The following ANKRD10 variants were observed in gnomAD, a reference collection of about 807,000 sequenced individuals.
The protein encoded by ANKRD10 is ankyrin repeat domain-containing protein 10.
In ANKRD10, 14 loss-of-function variants were observed where a neutral mutation model predicts 27.0. That is an observed-to-expected ratio of 0.52 (90% CI 0.34 to 0.81). The LOEUF is 0.81. Ranked by LOEUF, ANKRD10 falls within the 40% of genes least tolerant of loss-of-function variation. ANKRD10 has a pLI of 0.01. For synonymous variants in ANKRD10, 250 were observed against 224.5 expected (o/e 1.11, Z -1.01); for missense variants, 493 against 544.0 (o/e 0.91, Z 0.93).
chr13:110,892,422 A>AAAAAAAAAAAAAAAAAAAAAAAAC (rs2065101180), intron 4 of ANKRD10, among the ~76,000 whole-genome samples: 1 of 143,782 alleles, frequency 7.0e-6, no homozygotes, highest in Non-Finnish European at 1.5e-5. Context: ...AGAGCAAAAA[A>AAAAAAAAAAAAAAAAAAAAAAAAC]AAAAAAAAAA....
intron 3 of ANKRD10, 30 bp from the exon 4 acceptor site, chr13:110,893,293 C>T: frequency 6.2e-7 from 1 of 1,604,864 alleles, no homozygotes; most frequent in Non-Finnish European, 8.5e-7. Context: ...TGAATTACAC[C>T]CCATCCGCGT....
intron 4 of ANKRD10, among the ~76,000 whole-genome samples, chr13:110,892,452 T>TA (rs2065106400): frequency 1.7e-5 from 1 of 58,566 alleles, no homozygotes; most frequent in Admixed American, 1.8e-4. Flanking sequence ...GGAGAATACT[T>TA]ACAACGAAAA....
chr13:110,889,170 C>G (rs911727114), intron 4 of ANKRD10, among the ~76,000 whole-genome samples: 1 of 152,160 alleles, frequency 6.6e-6, no homozygotes, highest in Non-Finnish European at 1.5e-5. Flanking sequence ...TGAAGATTAA[C>G]CAAGAACGCT....
intron 4 of ANKRD10, among the ~76,000 whole-genome samples, chr13:110,886,276 G>T (rs1412047290): frequency 6.6e-6 from 1 of 152,238 alleles, no homozygotes; most frequent in Non-Finnish European, 1.5e-5. Flanking sequence ...GGACCTCTCA[G>T]AAACTGCTCC....
At chr13:110,894,799 T>C (rs1481937941) in intron 3 of ANKRD10, 1 of 152,204 alleles carries the variant, frequency 6.6e-6, no homozygotes, top group Non-Finnish European at 1.5e-5. Flanking sequence ...TTTTCTAGTA[T>C]TGCATAATAT....
At chr13:110,907,395 G>A (rs9521988) in intron 2 of ANKRD10, among the ~76,000 whole-genome samples, 50,762 of 151,962 alleles carry the variant, frequency 0.33, 8,834 homozygotes, top group East Asian at 0.69. Context: ...AGATAAAAAG[G>A]AGTGCAGCAA....
Position 110,914,778 on chromosome 13 carries a change from C to A in ANKRD10, c.157G>T (p.Glu53Ter). 1 of 1,599,122 alleles carries A rather than the reference C, an allele frequency of 6.3e-7. No individual in the cohort carries two copies. Among genetic ancestry groups the A allele is most frequent in the Non-Finnish European group, 8.5e-7 (1 of 1,173,416 alleles). The change falls in exon 1 of 6, where the codon GAG becomes TAG. Residue 53 changes from glutamate to a stop codon, truncating the protein, a stop_gained. Coordinates refer to ENST00000267339, the MANE Select transcript of ANKRD10 (RefSeq NM_017664.4). LOFTEE classifies it high-confidence loss of function. ...QQTPHAHLASEDSFYGWTPVH... is the reference protein window; with the variant it reads ...QQTPHAHLAS ...GGCGTCCAGCCATAGAAGGAGTCCT[C>A]AGAGGCCAGGTGGGCGTGGGGTGTC...
intron 4 of ANKRD10, among the ~76,000 whole-genome samples, chr13:110,886,428 T>C (rs2064931566): frequency 6.6e-6 from 1 of 152,226 alleles, no homozygotes; most frequent in Admixed American, 6.5e-5. Flanking sequence ...TCCATCTCCA[T>C]AGATACAGCC....
intron 4 of ANKRD10, among the ~76,000 whole-genome samples, chr13:110,887,713 G>A (rs1478443892): frequency 1.3e-5 from 2 of 152,184 alleles, no homozygotes; most frequent in African/African-American, 2.4e-5. Flanking sequence ...CTTAGGCAAA[G>A]CTTGAGATCC....
chr13:110,894,098 A>T (rs2065154464), intron 3 of ANKRD10: 4 of 1,577,648 alleles, frequency 2.5e-6, no homozygotes, highest in Non-Finnish European at 2.6e-6. Context: ...GAGTAAGTTG[A>T]ACTTGTAAAC....
At chr13:110,903,532 G>C (rs147774607) in intron 3 of ANKRD10, 2 of 154,794 alleles carry the variant, frequency 1.3e-5, no homozygotes, top group Admixed American at 1.3e-4. Flanking sequence ...TTATCTTACA[G>C]ATGCAACCTA....
Position 110,914,930 on chromosome 13 carries a change from G to C in ANKRD10, c.5C>G (p.Ser2Trp), listed in dbSNP as rs867894429. The C allele has an allele frequency of 5.3e-5, 81 of 1,532,748 alleles. No homozygotes were observed. In the Middle Eastern group the frequency reaches 1.6e-3, roughly 30 times the overall value. 94.9% of individuals were successfully genotyped at this position (1,532,748 alleles called of 1,614,324 possible). Residue 2 changes from serine to tryptophan, a missense_variant, in exon 1 of 6, where the codon TCG (serine) becomes TGG (tryptophan). Transcript: ENST00000267339. ...TACGCCCGCGCCCGCTCCCGCCGCC[G>C]ACATGGTCCGTCACCGGAGAGCGCG... MSAAGAGAGVEA... is the reference protein window; with the variant it reads MWAAGAGAGVEA...
chr13:110,896,333 T>A (rs2065225136), intron 3 of ANKRD10, among the ~76,000 whole-genome samples: 1 of 152,250 alleles, frequency 6.6e-6, no homozygotes, highest in Non-Finnish European at 1.5e-5. Context: ...ATTTTCCTTG[T>A]TACCAAGGGC....
At chr13:110,896,996 C>A (rs913098140) in intron 3 of ANKRD10, among the ~76,000 whole-genome samples, 1 of 151,558 alleles carries the variant, frequency 6.6e-6, no homozygotes, top group African/African-American at 2.4e-5. Context: ...TTAAAAAAAA[C>A]CAGCATAATT....
chr13:110,892,597 C>G (rs550892780), intron 4 of ANKRD10: 1 of 430,058 alleles, frequency 2.3e-6, no homozygotes, highest in East Asian at 1.4e-4. Context: ...AAAACATTCA[C>G]CTTCCCGAAT....
chr13:110,912,459 A>G (rs1402481349), intron 1 of ANKRD10, among the ~76,000 whole-genome samples: 1 of 152,250 alleles, frequency 6.6e-6, no homozygotes, highest in Non-Finnish European at 1.5e-5. Context: ...AGTATTAATT[A>G]GCGATAAGAT....
chr13:110,889,444 TGACTA>T (rs755238255), intron 4 of ANKRD10, among the ~76,000 whole-genome samples: 2 of 152,238 alleles, frequency 1.3e-5, no homozygotes, highest in Non-Finnish European at 2.9e-5. Context: ...TCTTACGTTC[TGACTA>T]AACTGCATTT....
intron 2 of ANKRD10, among the ~76,000 whole-genome samples, chr13:110,906,720 A>C (rs1454542943): frequency 6.6e-6 from 1 of 152,162 alleles, no homozygotes; most frequent in Non-Finnish European, 1.5e-5. Context: ...AAATATTCCC[A>C]ATCTATTTTC....
At chr13:110,886,159 G>A (rs2064925014) in intron 4 of ANKRD10, among the ~76,000 whole-genome samples, 1 of 152,260 alleles carries the variant, frequency 6.6e-6, no homozygotes, top group African/African-American at 2.4e-5. Flanking sequence ...GGTGCCACTA[G>A]GGGCCGGAAG....
Sources: gnomAD v4.1 joint callset for allele counts (sites outside exome capture counted in the v4.1 genomes callset) on GRCh38, gnomAD v4.1.1 for gene constraint, MANE v1.5 for transcripts, NCBI Gene and HGNC (gene_info 2026-07-23, HGNC 2026-07-21) for gene names.